PPP1R12A: variants seen among roughly 807,000 people sequenced by gnomAD.
PPP1R12A encodes myosin binding subunit.
Under a neutral mutation model 139.6 loss-of-function variants are expected in PPP1R12A, and 19 were observed. The observed-to-expected ratio is 0.14, with a 90% CI of 0.09 to 0.20. The LOEUF is 0.20. PPP1R12A is among the 10% of genes least tolerant of loss of function. PPP1R12A has a pLI of 1.00. For missense variants in PPP1R12A, 925 were observed against 1,211.5 expected (o/e 0.76, Z 3.51); for synonymous variants, 427 against 420.6 (o/e 1.02, Z -0.19).
chr12:79,883,946 C>T (rs1883876108), intron 1 of PPP1R12A, among the ~76,000 whole-genome samples: 1 of 152,096 alleles, frequency 6.6e-6, no homozygotes. Context: ...GACACGTCCA[C>T]TGGTTTTTAT....
rs1320751513 is a variant in PPP1R12A, at chr12:79,773,807, A to G, written c.*2122T>C. 1 of 152,244 alleles carries G rather than the reference A, an allele frequency of 6.6e-6. No individual in the cohort carries two copies. Among genetic ancestry groups the G allele is most frequent in the Non-Finnish European group, 1.5e-5 (1 of 68,040 alleles). 9.4% of individuals were successfully genotyped at this position (152,244 alleles called of 1,614,324 possible). On this transcript the variant is annotated 3_prime_UTR_variant, in exon 25 of 25. Transcript: ENST00000450142. ...AACAAAATTTAAAATGTCTTCATTAAAAGTTCACACATTTAAAATAGTTTT... is the reference window on the plus strand; with the variant it reads ...AACAAAATTTAAAATGTCTTCATTAGAAGTTCACACATTTAAAATAGTTTT...
intron 19 of PPP1R12A, 40 bp from the exon 20 acceptor site, chr12:79,790,523 A>G: frequency 7.5e-7 from 1 of 1,336,060 alleles, no homozygotes; most frequent in Non-Finnish European, 1.0e-6. Flanking sequence ...CTAAATTTTT[A>G]TGCTTTCATT....
chr12:79,910,928 T>C (rs1886514359), intron 1 of PPP1R12A, among the ~76,000 whole-genome samples: 1 of 152,172 alleles, frequency 6.6e-6, no homozygotes, highest in South Asian at 2.1e-4. Flanking sequence ...TGAAGATCAA[T>C]ATAAATCACT....
chr12:79,918,823 A>G (rs1887202669), intron 1 of PPP1R12A, among the ~76,000 whole-genome samples: 2 of 152,210 alleles, frequency 1.3e-5, no homozygotes, highest in African/African-American at 4.8e-5. Flanking sequence ...CCTGATTAAA[A>G]TCCTTCAACT....
intron 1 of PPP1R12A, among the ~76,000 whole-genome samples, chr12:79,927,427 A>G (rs952890888): frequency 6.6e-6 from 1 of 152,202 alleles, no homozygotes; most frequent in African/African-American, 2.4e-5. Context: ...ATACAGTACT[A>G]CTGCACTTCA....
chr12:79,792,777 C>T (rs568132156), intron 19 of PPP1R12A, among the ~76,000 whole-genome samples: 5 of 152,222 alleles, frequency 3.3e-5, no homozygotes, highest in Admixed American at 6.5e-5. Flanking sequence ...CTAATTTCCT[C>T]CCCTCTTGTT....
intron 1 of PPP1R12A, among the ~76,000 whole-genome samples, chr12:79,933,776 A>C (rs1269039628): frequency 6.6e-6 from 1 of 152,236 alleles, no homozygotes; most frequent in Non-Finnish European, 1.5e-5. Flanking sequence ...GAGAGATCCC[A>C]ATCAGACTAC....
intron 1 of PPP1R12A, among the ~76,000 whole-genome samples, chr12:79,890,909 A>C (rs1376270888): frequency 1.2e-4 from 16 of 136,092 alleles, no homozygotes; most frequent in Non-Finnish European, 2.5e-4. Flanking sequence ...ACCCACCCAC[A>C]CACACACACA....
At chr12:79,846,057 G>A (rs989477657) in intron 2 of PPP1R12A, among the ~76,000 whole-genome samples, 1 of 151,826 alleles carries the variant, frequency 6.6e-6, no homozygotes, top group Non-Finnish European at 1.5e-5. Context: ...AAATTCAGAA[G>A]GTTCATAAAA....
intron 14 of PPP1R12A, among the ~76,000 whole-genome samples, chr12:79,800,901 T>C (rs1873048015): frequency 6.6e-6 from 1 of 151,720 alleles, no homozygotes; most frequent in Non-Finnish European, 1.5e-5. Flanking sequence ...GCCTGGCTAA[T>C]TTTTTGTATT....
chr12:79,803,769 A>AT (rs552242407), intron 14 of PPP1R12A, among the ~76,000 whole-genome samples: 1 of 152,048 alleles, frequency 6.6e-6, no homozygotes, highest in Non-Finnish European at 1.5e-5. Context: ...ATGTTGCCAC[A>AT]TTTTTTTCTT....
intron 1 of PPP1R12A, among the ~76,000 whole-genome samples, chr12:79,904,255 T>C (rs1041789555): frequency 1.3e-5 from 2 of 151,760 alleles, no homozygotes; most frequent in African/African-American, 4.8e-5. Flanking sequence ...CTCCCAATTC[T>C]GCTTGACCGG....
intron 2 of PPP1R12A, among the ~76,000 whole-genome samples, chr12:79,856,498 A>G (rs1880672164): frequency 6.6e-6 from 1 of 152,230 alleles, no homozygotes; most frequent in Non-Finnish European, 1.5e-5. Flanking sequence ...ATTTCTTTGG[A>G]TGATGTCTTC....
intron 2 of PPP1R12A, among the ~76,000 whole-genome samples, chr12:79,860,576 T>C (rs1881203105): frequency 6.6e-6 from 1 of 152,244 alleles, no homozygotes; most frequent in Non-Finnish European, 1.5e-5. Flanking sequence ...GGATTAATAC[T>C]TCAATAAAAA....
intron 6 of PPP1R12A, among the ~76,000 whole-genome samples, chr12:79,821,621 C>T (rs147562829): frequency 0.015 from 2,331 of 151,908 alleles, 41 homozygotes; most frequent in African/African-American, 0.043. Flanking sequence ...GGCATGGTGG[C>T]GTGTACCTGT....
At chr12:79,907,180 T>C (rs1195096772) in intron 1 of PPP1R12A, among the ~76,000 whole-genome samples, 1 of 152,166 alleles carries the variant, frequency 6.6e-6, no homozygotes, top group East Asian at 1.9e-4. Flanking sequence ...AAAAAGATTA[T>C]AAGAAAATTA....
At chr12:79,808,397 A>G in intron 11 of PPP1R12A, 86 bp downstream of exon 11, 1 of 922,878 alleles carries the variant, frequency 1.1e-6, no homozygotes, top group Non-Finnish European at 1.7e-6. Context: ...ATATCCGCAC[A>G]TAATTACAAT....
intron 1 of PPP1R12A, among the ~76,000 whole-genome samples, chr12:79,916,057 T>C (rs1460107915): frequency 7.1e-6 from 1 of 140,370 alleles, no homozygotes; most frequent in Non-Finnish European, 1.5e-5. Context: ...TGACATCTAG[T>C]GTTCAACACA....
intron 1 of PPP1R12A, among the ~76,000 whole-genome samples, chr12:79,882,583 T>G (rs77347957): frequency 6.6e-6 from 1 of 152,178 alleles, no homozygotes; most frequent in Admixed American, 6.5e-5. Flanking sequence ...GTGAACATTG[T>G]TGAAATAGCA....
Sources: allele counts gnomAD v4.1 joint callset (sites outside exome capture counted in the v4.1 genomes callset), GRCh38; gene constraint gnomAD v4.1.1; transcripts MANE v1.5; gene names NCBI Gene and HGNC (gene_info 2026-07-23, HGNC 2026-07-21).